PVT1: variants seen among roughly 807,000 people sequenced by gnomAD.
PVT1 encodes the protein CXCR4/PVT1 fusion.
At chr8:127,955,547 A>C (rs1274844022) in intron 3 of PVT1, among the ~76,000 whole-genome samples, 1 of 152,116 alleles carries the variant, frequency 6.6e-6, no homozygotes, top group Non-Finnish European at 1.5e-5. Flanking sequence ...CACACAGTAT[A>C]AGAGTTATGC....
At chr8:128,100,830 TA>T (rs1032977815) in intron 6 of PVT1, 2 of 152,168 alleles carry the variant, frequency 1.3e-5, no homozygotes, top group African/African-American at 4.8e-5. Context: ...GTAAAGCTGT[TA>T]GGGGGCCATC....
chr8:128,003,555 A>G (rs1817210932), intron 4 of PVT1, among the ~76,000 whole-genome samples: 1 of 152,208 alleles, frequency 6.6e-6, no homozygotes, highest in African/African-American at 2.4e-5. Context: ...CATGTTGCCC[A>G]GGCTGGTCTT....
intron 4 of PVT1, among the ~76,000 whole-genome samples, chr8:128,046,109 C>T (rs1047602622): frequency 6.6e-6 from 1 of 152,150 alleles, no homozygotes; most frequent in Non-Finnish European, 1.5e-5. Context: ...AGTGTTAGCT[C>T]GAACCTTCTC....
At chr8:127,995,061 GAC>G (rs1817089372) in intron 4 of PVT1, among the ~76,000 whole-genome samples, 1 of 152,186 alleles carries the variant, frequency 6.6e-6, no homozygotes, top group Non-Finnish European at 1.5e-5. Context: ...ACACTGCAGA[GAC>G]ACAGTCTATC....
At chr8:127,902,244 G>A (rs1427647291) in intron 3 of PVT1, among the ~76,000 whole-genome samples, 1 of 152,016 alleles carries the variant, frequency 6.6e-6, no homozygotes, top group Non-Finnish European at 1.5e-5. Context: ...GTGCAAACTG[G>A]GATGGTCGTT....
intron 2 of PVT1, among the ~76,000 whole-genome samples, chr8:127,804,863 AT>A (rs1208176593): frequency 7.8e-6 from 1 of 127,912 alleles, no homozygotes; most frequent in African/African-American, 3.0e-5. Flanking sequence ...ACACATCCTG[AT>A]TTTTTTCTTA....
At chr8:127,923,533 C>T (rs1264183937) in intron 3 of PVT1, among the ~76,000 whole-genome samples, 1 of 152,144 alleles carries the variant, frequency 6.6e-6, no homozygotes, top group African/African-American at 2.4e-5. Flanking sequence ...TGGTTTGGGT[C>T]CCCGCTTCTG....
At chr8:127,941,706 C>G (rs1052833453) in intron 3 of PVT1, among the ~76,000 whole-genome samples, 1 of 152,118 alleles carries the variant, frequency 6.6e-6, no homozygotes, top group African/African-American at 2.4e-5. Flanking sequence ...ATGTGAACAC[C>G]GTGATCATCA....
chr8:127,874,467 A>G (rs986169430), intron 2 of PVT1, among the ~76,000 whole-genome samples: 2 of 152,254 alleles, frequency 1.3e-5, no homozygotes, highest in East Asian at 1.9e-4. Flanking sequence ...CTAAAAGTGT[A>G]AGAGCTTGGA....
At chr8:127,978,217 T>A (rs999990988) in intron 3 of PVT1, among the ~76,000 whole-genome samples, 5 of 150,724 alleles carry the variant, frequency 3.3e-5, no homozygotes, top group African/African-American at 9.8e-5. Flanking sequence ...AGTGGTGCAA[T>A]CATAGTTTAC....
At chr8:127,834,503 G>A (rs1374952758) in intron 2 of PVT1, among the ~76,000 whole-genome samples, 2 of 152,160 alleles carry the variant, frequency 1.3e-5, no homozygotes, top group Non-Finnish European at 2.9e-5. Context: ...TCAGGACATA[G>A]GCATGGGCAA....
rs955803421 is a variant in PVT1, at chr8:127,898,853, A to T, written n.782+7855A>T. Among the ~76,000 whole-genome samples the T allele has an allele frequency of 7.9e-5, 12 of 151,994 alleles. No individual in the cohort carries two copies. The highest frequency in any genetic ancestry group is 6.5e-4 in the Admixed American group (10 of 15,274). ...GGTCTTTCCCTCTCATCTGTCTGTC[A>T]CCCTTTATCACTCCACAAGGGGTGG... On this transcript the variant is annotated intron_variant and non_coding_transcript_variant, in intron 3 of 10. Coordinates refer to ENST00000651587, the Ensembl canonical transcript of PVT1. The surrounding 1 kb of genome is among the most constrained non-coding windows in gnomAD (Gnocchi z 4.4).
At chr8:127,848,698 C>G (rs985032584) in intron 2 of PVT1, among the ~76,000 whole-genome samples, 23 of 152,030 alleles carry the variant, frequency 1.5e-4, no homozygotes, top group Non-Finnish European at 2.9e-4. Flanking sequence ...AAAAAACAAA[C>G]AAACAAACAA....
At chr8:127,973,716 C>T (rs148538965) in intron 3 of PVT1, among the ~76,000 whole-genome samples, 5,379 of 147,538 alleles carry the variant, frequency 0.036, 314 homozygotes, top group African/African-American at 0.13. Context: ...CGGTGGCTCA[C>T]ACCTGTAATC....
intron 3 of PVT1, among the ~76,000 whole-genome samples, chr8:127,936,684 C>T (rs1181473789): frequency 6.6e-6 from 1 of 152,212 alleles, no homozygotes; most frequent in African/African-American, 2.4e-5. Flanking sequence ...TTGCAGCCTT[C>T]AGGGCTGAGC....
intron 2 of PVT1, among the ~76,000 whole-genome samples, chr8:127,868,802 T>TATAC (rs1563625722): frequency 1.2e-4 from 15 of 123,466 alleles, no homozygotes; most frequent in East Asian, 2.4e-4. Flanking sequence ...TACATATATA[T>TATAC]GTACATATAT....
intron 6 of PVT1, chr8:128,101,095 C>T (rs1376406489): frequency 6.6e-6 from 1 of 152,254 alleles, no homozygotes; most frequent in Non-Finnish European, 1.5e-5. Flanking sequence ...TCTGCCCCAA[C>T]CACTCAGCAG....
intron 4 of PVT1, among the ~76,000 whole-genome samples, chr8:128,049,510 T>G (rs367986434): frequency 6.6e-6 from 1 of 151,634 alleles, no homozygotes; most frequent in Non-Finnish European, 1.5e-5. Flanking sequence ...GCCATTGGAG[T>G]GGTGGGTGCT....
intron 2 of PVT1, among the ~76,000 whole-genome samples, chr8:127,796,877 C>CTTTTTTTTTTTTTTTTTTTTTTTTTTGTT (rs34435526): frequency 8.3e-6 from 1 of 121,122 alleles, no homozygotes; most frequent in Non-Finnish European, 1.7e-5. Flanking sequence ...TCTTGTTTTG[C>CTTTTTTTTTTTTTTTTTTTTTTTTTTGTT]TTTTTTTTTT....
Sources: allele counts gnomAD v4.1 joint callset (sites outside exome capture counted in the v4.1 genomes callset), GRCh38; gene constraint gnomAD v4.1.1; non-coding constraint Gnocchi (gnomAD v3.1); transcripts MANE v1.5; gene names NCBI Gene and HGNC (gene_info 2026-07-23, HGNC 2026-07-21).